Variants in ABCC9 observed in about 807,000 individuals in gnomAD.
The protein encoded by ABCC9 is ATP-binding cassette sub-family C member 9.
A neutral mutation model predicts 188.3 loss-of-function variants in ABCC9; 95 were observed. The ratio of observed to expected loss-of-function variants is 0.50; its 90% CI spans 0.43 to 0.60. The LOEUF (loss-of-function observed/expected upper bound fraction) is 0.60, where lower values mean the gene tolerates loss of function less well. Among genes scored for constraint, ABCC9 ranks in the 20% least tolerant of loss-of-function variants. The pLI is 0.00. For missense variants in ABCC9, 1,102 were observed against 1,876.3 expected, an observed-to-expected ratio of 0.59 and a Z score of 7.62; for synonymous variants, 659 against 652.7, an observed-to-expected ratio of 1.01 and a Z score of -0.15.
In ABCC9 at chr12:21,815,814, A is replaced by G. The variant is rs1010919682; in HGVS notation, c.3972T>C (p.Asn1324=). 6.2e-7 allele frequency: 1 copy of G among 1,613,334 alleles called. No individual in the cohort carries two copies. Among genetic ancestry groups the G allele is most frequent in the African/African-American group, 1.3e-5 (1 of 74,850 alleles). The change falls in exon 34 of 40, where the codon AAT becomes AAC. Residue 1324 remains asparagine, a synonymous_variant. Transcript: ENST00000261200. ...TGACGTGCTTAAGAACAGGTTTCAG[A>G]TTATTTTCATATCTGACACACAGAT... ...IHDLCVRYEN[N]LKPVLKHVKA...
intron 12 of ABCC9, among the ~76,000 whole-genome samples, chr12:21,896,331 A>G (rs1203785315): frequency 6.6e-6 from 1 of 152,174 alleles, no homozygotes; most frequent in Non-Finnish European, 1.5e-5. Context: ...GTTGTCAAAC[A>G]TAGACTCTTG....
At chr12:21,836,969 A>G (rs937992788) in intron 30 of ABCC9, among the ~76,000 whole-genome samples, 1 of 152,168 alleles carries the variant, frequency 6.6e-6, no homozygotes, top group African/African-American at 2.4e-5. Context: ...CTGGTTGGAA[A>G]TGAAAGGCCG....
intron 4 of ABCC9, among the ~76,000 whole-genome samples, chr12:21,926,631 G>A (rs1241550349): frequency 6.6e-6 from 1 of 152,166 alleles, no homozygotes; most frequent in Non-Finnish European, 1.5e-5. Flanking sequence ...GGGACAGTGT[G>A]AGAACATAGA....
chr12:21,807,558 A>T (rs187903997), intron 37 of ABCC9, 79 bp from the exon 38 acceptor site: 1 of 1,583,844 alleles, frequency 6.3e-7, no homozygotes. Context: ...TGAAAAACAC[A>T]TTATGTTGTA....
At chr12:21,857,225 T>G (rs1282637701) in intron 22 of ABCC9, among the ~76,000 whole-genome samples, 1 of 152,188 alleles carries the variant, frequency 6.6e-6, no homozygotes, top group Non-Finnish European at 1.5e-5. Context: ...AAGGGACACT[T>G]ATATAAACAC....
intron 21 of ABCC9, 64 bp from the exon 22 acceptor site, chr12:21,859,730 G>A: frequency 7.4e-7 from 1 of 1,347,480 alleles, no homozygotes; most frequent in African/African-American, 1.4e-5. Flanking sequence ...TTGGTAATAT[G>A]ACCTTAAATT....
chr12:21,861,197 G>T, intron 20 of ABCC9, 142 bp from the exon 21 acceptor site: 1 of 728,928 alleles, frequency 1.4e-6, no homozygotes, highest in Non-Finnish European at 2.4e-6. Flanking sequence ...CTACATTTCT[G>T]GATACAAAGA....
chr12:21,908,009 T>G (rs1948123774), intron 11 of ABCC9, 68 bp downstream of exon 11: 1 of 1,505,576 alleles, frequency 6.6e-7, no homozygotes, highest in Non-Finnish European at 9.1e-7. Context: ...TGTATTAATT[T>G]CCTATATTAT....
chr12:21,844,993 G>A lies in ABCC9; in HGVS notation c.3097-78C>T, dbSNP rs1220021541. 2.6e-6 allele frequency: 4 copies of A among 1,517,472 alleles called. No individual in the cohort carries two copies. The African/African-American group carries it at 4.2e-5, about 16-fold the overall frequency. 94.0% of individuals were successfully genotyped at this position (1,517,472 alleles called of 1,614,324 possible). ...TCTTACTAGAAAACCAAATGTCAAT[G>A]TCAGACAAGATTGTTTTCTTCATTA... On this transcript the variant is annotated intron_variant, in intron 26 of 39. Coordinates refer to ENST00000261200, the MANE Select transcript of ABCC9 (RefSeq NM_020297.4).
At chr12:21,821,856 C>T (rs1485038866) in intron 31 of ABCC9, among the ~76,000 whole-genome samples, 1 of 152,006 alleles carries the variant, frequency 6.6e-6, no homozygotes, top group Non-Finnish European at 1.5e-5. Flanking sequence ...AAGGAGAAGA[C>T]TCATCAATAA....
intron 22 of ABCC9, among the ~76,000 whole-genome samples, chr12:21,857,523 C>G (rs144956667): frequency 1.3e-5 from 2 of 152,180 alleles, no homozygotes; most frequent in African/African-American, 4.8e-5. Context: ...ATCCCCAGAA[C>G]CTGTGACTGT....
intron 12 of ABCC9, among the ~76,000 whole-genome samples, chr12:21,901,439 A>G (rs1947745440): frequency 6.6e-6 from 1 of 152,296 alleles, no homozygotes; most frequent in Non-Finnish European, 1.5e-5. Flanking sequence ...GACAGGATCA[A>G]ATTTACACAT....
Position 21,852,125 on chromosome 12 carries a change from A to T in ABCC9, c.2741T>A (p.Met914Lys). 2 of 1,613,744 alleles carry T rather than the reference A, an allele frequency of 1.2e-6. No individual in the cohort carries two copies. Among genetic ancestry groups the T allele is most frequent in the Non-Finnish European group, 1.7e-6 (2 of 1,179,876 alleles). The change falls in exon 24 of 40, where the codon ATG (methionine) becomes AAG (lysine). Residue 914 changes from methionine (M) to lysine (K), a missense_variant. By Grantham distance (95) the Met-to-Lys change is moderately conservative. This residue lies in a region of ABCC9 where 131 missense variants were observed against 170.2 expected (regional missense o/e 0.77). Transcript: ENST00000261200. ...TTCTAATTCTTGATCTTGCCGATTC[A>T]TAAGTGTTTTCCAGTGTTCATAAAG... Reference protein sequence around the residue: ...VELYEHWKTLMNRQDQELEKD... With the variant: ...VELYEHWKTLKNRQDQELEKD...
At chr12:21,918,891 T>G (rs1948701855) in intron 5 of ABCC9, among the ~76,000 whole-genome samples, 1 of 152,144 alleles carries the variant, frequency 6.6e-6, no homozygotes, top group Admixed American at 6.6e-5. Context: ...GATCTTTTCA[T>G]GCAGTAAGAT....
chr12:21,821,985 A>T (rs1943060738), intron 31 of ABCC9, among the ~76,000 whole-genome samples: 2 of 152,192 alleles, frequency 1.3e-5, no homozygotes, highest in Non-Finnish European at 2.9e-5. Flanking sequence ...CAATCCAAAT[A>T]TGCTCAAATT....
At chr12:21,882,389 G>C (rs557064209) in intron 16 of ABCC9, among the ~76,000 whole-genome samples, 2 of 152,288 alleles carry the variant, frequency 1.3e-5, no homozygotes, top group Non-Finnish European at 1.5e-5. Flanking sequence ...AGTCTCCCCT[G>C]ATTGAAAACA....
intron 31 of ABCC9, among the ~76,000 whole-genome samples, chr12:21,821,575 G>A (rs780235899): frequency 1.3e-5 from 2 of 152,022 alleles, no homozygotes; most frequent in Non-Finnish European, 2.9e-5. Context: ...AAATTAAACA[G>A]TAGGAGTAAT....
At chr12:21,852,023 G>A in intron 24 of ABCC9, 74 bp downstream of exon 24, 3 of 1,557,502 alleles carry the variant, frequency 1.9e-6, no homozygotes, top group Non-Finnish European at 2.6e-6. Context: ...TTTTTAAAAA[G>A]CATTCTTAGT....
At chr12:21,829,391 C>T (rs982875572) in intron 30 of ABCC9, among the ~76,000 whole-genome samples, 3 of 151,544 alleles carry the variant, frequency 2.0e-5, no homozygotes, top group East Asian at 3.9e-4. Flanking sequence ...TTAGTAGAGA[C>T]GAGGTTTCAC....
Sources: gnomAD v4.1 joint callset for allele counts (sites outside exome capture counted in the v4.1 genomes callset) on GRCh38, gnomAD v4.1.1 for gene constraint, gnomAD v4.1.1 regional missense constraint, MANE v1.5 for transcripts, NCBI Gene and HGNC (gene_info 2026-07-23, HGNC 2026-07-21) for gene names.